ZNF333: variants seen among roughly 807,000 people sequenced by gnomAD.
ZNF333 encodes zinc finger protein 333.
A neutral mutation model predicts 76.1 loss-of-function variants in ZNF333; 61 were observed. The ratio of observed to expected loss-of-function variants is 0.80; its 90% confidence interval spans 0.65 to 0.99. ZNF333 has a LOEUF of 0.99. Ranked by LOEUF, ZNF333 falls within the 50% of genes least tolerant of loss-of-function variation. The pLI is 0.00. For missense variants in ZNF333, 717 were observed against 822.4 expected, an observed-to-expected ratio of 0.87 and a Z score of 1.57; for synonymous variants, 284 against 305.0, an observed-to-expected ratio of 0.93 and a Z score of 0.72.
At chr19:14,697,023 C>T (rs1246287331) in intron 4 of ZNF333, among the ~76,000 whole-genome samples, 1 of 152,184 alleles carries the variant, frequency 6.6e-6, no homozygotes, top group African/African-American at 2.4e-5. Context: ...AGGCGTGAGC[C>T]ATTGTGCCCG....
chr19:14,705,213 CAGGA>C, intron 6 of ZNF333, 43 bp downstream of exon 6: 1 of 1,568,408 alleles, frequency 6.4e-7, no homozygotes, highest in Non-Finnish European at 8.7e-7. Context: ...CAGGTGCAGT[CAGGA>C]AGGCCTGGGG....
chr19:14,715,973 A>C (rs1413515236), intron 8 of ZNF333, 139 bp from the exon 9 acceptor site: 12 of 1,407,530 alleles, frequency 8.5e-6, no homozygotes, highest in African/African-American at 4.3e-5. Flanking sequence ...GCTAAGGGCC[A>C]GATTCTGCGG....
chr19:14,692,655 G>A (rs1972858588), intron 1 of ZNF333, among the ~76,000 whole-genome samples: 1 of 152,094 alleles, frequency 6.6e-6, no homozygotes, highest in African/African-American at 2.4e-5. Context: ...TGGGATTACA[G>A]GTGTGTGCCA....
rs749074121 is a variant in ZNF333, at chr19:14,717,643, C to T, written c.824-14C>T. 1 of 1,612,078 alleles carries T rather than the reference C, an allele frequency of 6.2e-7. No individual in the cohort carries two copies. Among genetic ancestry groups the T allele is most frequent in the African/African-American group, 1.3e-5 (1 of 74,980 alleles). ...CTCTGTGTGCTTAACTTTTTCTTCC[C>T]TAATTCATTTCAGAACCTCAGTGTC... On this transcript the variant is annotated splice_polypyrimidine_tract_variant and intron_variant, in intron 10 of 11. Transcript: ENST00000292530.
intron 6 of ZNF333, 76 bp downstream of exon 6, chr19:14,705,246 T>A: frequency 1.6e-6 from 2 of 1,267,620 alleles, no homozygotes; most frequent in Non-Finnish European, 2.2e-6. Context: ...GTCTGTAAAT[T>A]GGGGGAGGGG....
chr19:14,731,211 ACT>A, exon 12 of ZNF333: 1 of 1,532,438 alleles, frequency 6.5e-7, no homozygotes, highest in Non-Finnish European at 8.7e-7. Context: ...CACATCCAGT[ACT>A]CTCTTGCATG....
At chr19:14,708,644 G>C (rs2042188192) in intron 7 of ZNF333, 1 of 347,528 alleles carries the variant, frequency 2.9e-6, no homozygotes, top group South Asian at 1.5e-4. Context: ...ATAGGATGCT[G>C]AGCAGCATCC....
At chr19:14,714,066 G>C (rs1482073524) in intron 7 of ZNF333, among the ~76,000 whole-genome samples, 2 of 152,170 alleles carry the variant, frequency 1.3e-5, no homozygotes, top group Non-Finnish European at 2.9e-5. Context: ...CCAGCCCTTG[G>C]AACGGTGGAG....
chr19:14,699,310 C>T, intron 5 of ZNF333, 29 bp downstream of exon 5: 1 of 1,595,442 alleles, frequency 6.3e-7, no homozygotes, highest in Non-Finnish European at 8.6e-7. Context: ...TCCCCGGCTC[C>T]CAGCATGGGA....
At chr19:14,698,893 AATATAGATATAT>A (rs1481116048) in intron 4 of ZNF333, among the ~76,000 whole-genome samples, 11 of 113,064 alleles carry the variant, frequency 9.7e-5, no homozygotes, top group Admixed American at 1.8e-4. Flanking sequence ...CACACACACA[AATATAGATATAT>A]ATATATATAT....
intron 11 of ZNF333, among the ~76,000 whole-genome samples, chr19:14,730,425 GTCCT>G (rs549106825): frequency 4.1e-4 from 38 of 93,038 alleles, no homozygotes; most frequent in African/African-American, 1.4e-3. Context: ...CCATCAGTCT[GTCCT>G]TCCTTCCTTC....
chr19:14,728,808 G>A (rs2042649443), intron 11 of ZNF333, among the ~76,000 whole-genome samples: 1 of 152,196 alleles, frequency 6.6e-6, no homozygotes, highest in African/African-American at 2.4e-5. Context: ...TTCTGCAGAA[G>A]GGTGCCACCC....
intron 4 of ZNF333, among the ~76,000 whole-genome samples, chr19:14,698,860 AACAAAAAAC>A: frequency 6.7e-6 from 1 of 148,328 alleles, no homozygotes; most frequent in African/African-American, 2.5e-5. Flanking sequence ...AAAAACAAAA[AACAAAAAAC>A]ATGTATGTGT....
Position 14,721,187 on chromosome 19 carries a change from G to A in ZNF333, c.*1862G>A. 1 of 181,836 alleles carries A rather than the reference G, an allele frequency of 5.5e-6. No individual in the cohort carries two copies. Among genetic ancestry groups the A allele is most frequent in the Non-Finnish European group, 1.0e-5 (1 of 95,634 alleles). The allele number at this position is 181,836 out of a possible 1,614,324, so 11.3% of individuals were successfully genotyped here. On this transcript the variant is annotated 3_prime_UTR_variant, in exon 12 of 12. Coordinates refer to ENST00000292530, the MANE Select transcript of ZNF333 (RefSeq NM_032433.4). ...AGGAAGCTGAGGCCCAGCAAGTTAA[G>A]GTGGGCTATCAAAGTCATCTGGGTG...
intron 7 of ZNF333, chr19:14,714,664 G>A (rs775276163): frequency 3.3e-5 from 5 of 152,502 alleles, no homozygotes; most frequent in African/African-American, 1.2e-4. Context: ...GAGGGGAAAG[G>A]TCCCATCGGG....
chr19:14,707,549 C>CTTTTT (rs751633025), intron 7 of ZNF333, among the ~76,000 whole-genome samples: 35 of 115,686 alleles, frequency 3.0e-4, no homozygotes, highest in African/African-American at 4.1e-4. Flanking sequence ...AGCTTTGTTT[C>CTTTTT]TTTTTTTTTT....
At chr19:14,717,199 G>A (rs2042460103) in intron 10 of ZNF333, 110 bp downstream of exon 10, 1 of 829,872 alleles carries the variant, frequency 1.2e-6, no homozygotes, top group South Asian at 1.8e-5. Context: ...TGAGAAGCCT[G>A]TTTGGTTGAG....
intron 11 of ZNF333, among the ~76,000 whole-genome samples, chr19:14,727,209 T>C (rs2042638636): frequency 6.6e-6 from 1 of 152,012 alleles, no homozygotes; most frequent in South Asian, 2.1e-4. Context: ...TTTGTATTTT[T>C]AGTAGAGACA....
At chr19:14,733,188 A>G (rs758766705) in exon 12 of ZNF333, 2 of 152,178 alleles carry the variant, frequency 1.3e-5, no homozygotes, top group Admixed American at 6.6e-5. Context: ...TTAGGCATGG[A>G]GGTTGAGGAT....
Sources: allele counts gnomAD v4.1 joint callset (sites outside exome capture counted in the v4.1 genomes callset), GRCh38; gene constraint gnomAD v4.1.1; transcripts MANE v1.5; gene names NCBI Gene and HGNC (gene_info 2026-07-23, HGNC 2026-07-21).